ADD1: variants seen among roughly 807,000 people sequenced by gnomAD.
ADD1 encodes the protein alpha-adducin.
Under a neutral mutation model 80.5 loss-of-function variants are expected in ADD1, and 24 were observed. The ratio of observed to expected loss-of-function variants is 0.30; its 90% confidence interval spans 0.22 to 0.42. The LOEUF (loss-of-function observed/expected upper bound fraction) is 0.42. Among genes scored for constraint, ADD1 ranks in the 10% least tolerant of loss-of-function variants. The pLI, the probability that ADD1 is intolerant of heterozygous loss-of-function variation, is 1.00. For synonymous variants in ADD1, 373 were observed against 393.8 expected (o/e 0.95, Z 0.63); for missense variants, 948 against 1,019.0 (o/e 0.93, Z 0.95).
intron 1 of ADD1, among the ~76,000 whole-genome samples, chr4:2,861,135 C>T (rs1324165308): frequency 6.6e-6 from 1 of 152,194 alleles, no homozygotes; most frequent in Non-Finnish European, 1.5e-5. Context: ...AGTACAAAGA[C>T]TCTGAGGCAG....
intron 1 of ADD1, among the ~76,000 whole-genome samples, chr4:2,848,156 A>G (rs1163490887): frequency 1.3e-5 from 2 of 151,910 alleles, no homozygotes; most frequent in South Asian, 2.1e-4. Context: ...CGGAGGTTAC[A>G]GTGAGTTGAG....
intron 10 of ADD1, chr4:2,905,483 G>C (rs747443096): frequency 1.4e-5 from 3 of 215,294 alleles, no homozygotes; most frequent in Non-Finnish European, 1.9e-5. Context: ...CTGTATTTTA[G>C]TGTTGTGAAC....
chr4:2,910,325 G>A lies in ADD1; in HGVS notation c.1791+894G>A, dbSNP rs138287950. Among the ~76,000 whole-genome samples, 730 of 152,008 alleles carry A rather than the reference G, an allele frequency of 4.8e-3. 2 individuals are homozygous for A. Among genetic ancestry groups the A allele is most frequent in the Middle Eastern group, 0.014 (4 of 294 alleles). Reference sequence around the variant, plus strand: ...TTAGTGGTGTTCCAGTTCCCACATAGAAGCAGGTTTATAGCAAAGATTCTG... The same window carrying A: ...TTAGTGGTGTTCCAGTTCCCACATAAAAGCAGGTTTATAGCAAAGATTCTG... On this transcript the variant is annotated intron_variant, in intron 13 of 15. Coordinates refer to ENST00000683351, the MANE Select transcript of ADD1 (RefSeq NM_001354761.2).
At chr4:2,870,187 C>T (rs1730200911) in intron 1 of ADD1, among the ~76,000 whole-genome samples, 1 of 152,190 alleles carries the variant, frequency 6.6e-6, no homozygotes, top group Non-Finnish European at 1.5e-5. Flanking sequence ...TCAGAATTCC[C>T]TCATTATATA....
At chr4:2,891,022 C>A (rs1422287592) in intron 4 of ADD1, among the ~76,000 whole-genome samples, 1 of 151,996 alleles carries the variant, frequency 6.6e-6, no homozygotes, top group Admixed American at 6.6e-5. Context: ...CAGTGACTCC[C>A]ACCTGTAATC....
chr4:2,915,959 G>A (rs1738957386), intron 14 of ADD1, among the ~76,000 whole-genome samples: 2 of 152,048 alleles, frequency 1.3e-5, no homozygotes, highest in South Asian at 4.1e-4. Flanking sequence ...CTGCCAAAAC[G>A]AGGCTGACCC....
intron 14 of ADD1, among the ~76,000 whole-genome samples, chr4:2,917,798 G>T (rs1219033050): frequency 2.6e-5 from 4 of 152,094 alleles, no homozygotes. Context: ...CCCATTCCTT[G>T]TTTTTGTCCA....
intron 1 of ADD1, among the ~76,000 whole-genome samples, chr4:2,872,825 G>T (rs1245344673): frequency 2.0e-5 from 3 of 152,140 alleles, no homozygotes; most frequent in Non-Finnish European, 4.4e-5. Context: ...TTCTCAAAGT[G>T]CTGGGATTAC....
chr4:2,845,766 T>C (rs1726107480), intron 1 of ADD1, among the ~76,000 whole-genome samples: 2 of 152,330 alleles, frequency 1.3e-5, no homozygotes, highest in South Asian at 2.1e-4. Flanking sequence ...ATTTACATGA[T>C]TTTTAGTTTT....
At position 2,883,472 on chromosome 4, in the gene ADD1, C is replaced by A. The variant is rs187800572; in HGVS notation, c.359-1043C>A. Among the ~76,000 whole-genome samples the A allele has an allele frequency of 2.2e-4, 34 of 151,812 alleles. No individual in the cohort carries two copies. In the East Asian group the frequency reaches 6.6e-3, roughly 29 times the overall value. On this transcript the variant is annotated intron_variant, in intron 3 of 15. Coordinates refer to ENST00000683351, the MANE Select transcript of ADD1 (RefSeq NM_001354761.2). The stretch of plus-strand genomic sequence containing the variant: ...TTCTTTTCTTTCTGTTAAAATGATC[C>A]CTTAGTCTTTCTTCTTTAGTTTGTT...
In ADD1 at chr4:2,898,465, A is replaced by G; in HGVS notation, c.918A>G (p.Ser306=). 6.2e-7 allele frequency: 1 copy of G among 1,614,170 alleles called. No homozygotes were observed. The highest frequency in any genetic ancestry group is 8.5e-7 in the Non-Finnish European group (1 of 1,180,026). ...VLILRNHGLV[S]VGESVEEAFY... The stretch of plus-strand genomic sequence containing the variant: ...TTCTCCGGAACCATGGGCTCGTGTC[A>G]GTTGGAGAGAGCGTTGAGGAGGCCT... Residue 306 remains serine, a synonymous_variant, in exon 8 of 16, where the codon TCA becomes TCG. Transcript: ENST00000683351.
At position 2,908,539 on chromosome 4, in the gene ADD1, A is replaced by G. The variant is rs199531446; in HGVS notation, c.1633A>G (p.Ile545Val). ...NKIREQNLQD[I>V]KTAGPQSQVL... ...GATCCGAGAGCAGAATTTACAGGAC[A>G]TTAAGACGGCTGGCCCTCAGTCCCA... The change falls in exon 12 of 16, where the codon ATT becomes GTT. Residue 545 changes from isoleucine (I) to valine (V), a missense_variant. Physicochemically the swap from Ile to Val is conservative, Grantham distance 29. Transcript: ENST00000683351. 2.5e-5 allele frequency: 40 copies of G among 1,614,126 alleles called. No individual in the cohort carries two copies. Among genetic ancestry groups the G allele is most frequent in the Non-Finnish European group, 2.5e-5 (30 of 1,180,038 alleles).
In ADD1 at chr4:2,928,458, A is replaced by G. The variant is rs761044775; in HGVS notation, c.2335A>G (p.Lys779Glu). ...TGGGTCTCCAGGCAAGTCCCCGTCC[A>G]AAAAGAAGAAGAAGTTCCGTACCCC... ...SDGSPGKSPS[K>E]KKKKFRTPSF... The change falls in exon 16 of 16, where the codon AAA becomes GAA. Residue 779 changes from lysine (K) to glutamate (E), a missense_variant. By Grantham distance (56) the Lys-to-Glu change is moderately conservative (BLOSUM62 1). Transcript: ENST00000683351. 1.9e-6 allele frequency: 3 copies of G among 1,613,574 alleles called. No homozygotes were observed. The highest frequency in any genetic ancestry group is 1.1e-5 in the South Asian group (1 of 91,072).
chr4:2,908,463 G>C, intron 11 of ADD1, 52 bp from the exon 12 acceptor site: 1 of 1,534,608 alleles, frequency 6.5e-7, no homozygotes. Context: ...GGGCTCCCAG[G>C]CAGCATGGCT....
chr4:2,926,534 C>A lies in ADD1; in HGVS notation c.2047+422C>A. 8.3e-7 allele frequency: 1 copy of A among 1,200,488 alleles called. No individual in the cohort carries two copies. Among genetic ancestry groups the A allele is most frequent in the Non-Finnish European group, 1.2e-6 (1 of 828,090 alleles). 74.4% of individuals were successfully genotyped at this position (1,200,488 alleles called of 1,614,324 possible). A position where few individuals can be genotyped will look rare whatever the true frequency, so the allele number is the denominator to read the frequency against. On this transcript the variant is annotated intron_variant, in intron 15 of 15. Coordinates refer to ENST00000683351, the MANE Select transcript of ADD1 (RefSeq NM_001354761.2). This position sits in a 1 kb window ranked among gnomAD's most constrained non-coding sequence, Gnocchi z 5.0. ...CTCGGTCTCGTACATCCATGTCTCTCGTGAAGCCCGTGGCCCTGCCTTTCT... is the reference window on the plus strand; with the variant it reads ...CTCGGTCTCGTACATCCATGTCTCTAGTGAAGCCCGTGGCCCTGCCTTTCT...
intron 2 of ADD1, among the ~76,000 whole-genome samples, chr4:2,877,991 A>G (rs896156646): frequency 3.9e-5 from 6 of 152,210 alleles, no homozygotes; most frequent in Non-Finnish European, 2.9e-5. Flanking sequence ...ACGTGTTCCC[A>G]GCTGAGGAAC....
chr4:2,864,329 C>A (rs2108838237), intron 1 of ADD1, among the ~76,000 whole-genome samples: 1 of 152,294 alleles, frequency 6.6e-6, no homozygotes, highest in South Asian at 2.1e-4. Context: ...AGGAGAATTG[C>A]TTGAACCCGG....
In ADD1 at chr4:2,928,664, C is replaced by T. The variant is rs1388728720; in HGVS notation, c.*141C>T. On this transcript the variant is annotated 3_prime_UTR_variant, in exon 16 of 16. Coordinates refer to ENST00000683351, the MANE Select transcript of ADD1 (RefSeq NM_001354761.2). The stretch of plus-strand genomic sequence containing the variant: ...AGAGGTCCCCTCACGTGACCAGCCC[C>T]GTGTAGCCCCGGGCTGACCCAGTGT... 12 of 856,166 alleles carry T rather than the reference C, an allele frequency of 1.4e-5. No individual in the cohort carries two copies. In the Admixed American group the frequency reaches 1.5e-4, roughly 10 times the overall value. The allele number at this position is 856,166 out of a possible 1,614,324, so 53.0% of individuals were successfully genotyped here. A position where few individuals can be genotyped will look rare whatever the true frequency, so the allele number is the denominator to read the frequency against.
At chr4:2,921,269 A>G (rs975494613) in intron 14 of ADD1, among the ~76,000 whole-genome samples, 103 of 152,146 alleles carry the variant, frequency 6.8e-4, no homozygotes, top group African/African-American at 2.3e-3. Context: ...CTGGGACTAC[A>G]GGTGCACGCC....
Sources: gnomAD v4.1 joint callset for allele counts (sites outside exome capture counted in the v4.1 genomes callset) on GRCh38, gnomAD v4.1.1 for gene constraint, Gnocchi (gnomAD v3.1) non-coding constraint, MANE v1.5 for transcripts, NCBI Gene and HGNC (gene_info 2026-07-23, HGNC 2026-07-21) for gene names.